MYO5A: variants seen among roughly 807,000 people sequenced by gnomAD.
MYO5A encodes unconventional myosin-Va.
In MYO5A, 98 loss-of-function variants were observed where a neutral mutation model predicts 249.7. That is an observed-to-expected ratio of 0.39 (90% CI 0.33 to 0.46). MYO5A has a LOEUF of 0.46. MYO5A is among the 20% of genes least tolerant of loss of function. The probability of loss-of-function intolerance (pLI) is 0.98; values close to 1 mark genes in which losing one functional copy is unlikely to be tolerated. For missense variants in MYO5A, 1,696 were observed against 2,308.8 expected (o/e 0.73, Z 5.44); for synonymous variants, 778 against 810.6 (o/e 0.96, Z 0.68).
intron 4 of MYO5A, among the ~76,000 whole-genome samples, chr15:52,425,365 T>C (rs1207817509): frequency 6.6e-6 from 1 of 152,092 alleles, no homozygotes; most frequent in Non-Finnish European, 1.5e-5. Flanking sequence ...TGTTTGTTTG[T>C]TTGTTTGTTT....
intron 21 of MYO5A, among the ~76,000 whole-genome samples, chr15:52,371,921 T>TAAC (rs1400287662): frequency 7.0e-6 from 1 of 141,974 alleles, no homozygotes; most frequent in Admixed American, 7.2e-5. Context: ...ATAATAATAA[T>TAAC]AACTTCCTGC....
chr15:52,376,359 T>G lies in MYO5A; in HGVS notation c.2408A>C (p.Tyr803Ser). 6.2e-7 allele frequency: 1 copy of G among 1,614,020 alleles called. No individual in the cohort carries two copies. The highest frequency in any genetic ancestry group is 8.5e-7 in the Non-Finnish European group (1 of 1,179,968). Residue 803 changes from tyrosine to serine, a missense_variant, in exon 19 of 42, where the codon TAC becomes TCC. Coordinates refer to ENST00000399233, the MANE Select transcript of MYO5A (RefSeq NM_001382347.1). ...CCAGGAGACCTACCATCGGGCCTGGTAGCCCCGCACGTATCTCTGCATGGT... is the reference window on the plus strand; with the variant it reads ...CCAGGAGACCTACCATCGGGCCTGGGAGCCCCGCACGTATCTCTGCATGGT... ...AITMQRYVRG[Y>S]QARCYAKFLR...
At chr15:52,424,945 T>C (rs1192233893) in intron 4 of MYO5A, among the ~76,000 whole-genome samples, 2 of 152,188 alleles carry the variant, frequency 1.3e-5, no homozygotes, top group Non-Finnish European at 2.9e-5. Flanking sequence ...CCCTATCATA[T>C]AATACTAATG....
chr15:52,479,933 G>A (rs572852413), intron 1 of MYO5A, among the ~76,000 whole-genome samples: 2 of 150,534 alleles, frequency 1.3e-5, no homozygotes, highest in East Asian at 2.0e-4. Context: ...CCACCAGTTT[G>A]TGTGTGTATT....
At chr15:52,450,359 T>A (rs894557059) in intron 1 of MYO5A, among the ~76,000 whole-genome samples, 1 of 151,554 alleles carries the variant, frequency 6.6e-6, no homozygotes, top group Non-Finnish European at 1.5e-5. Flanking sequence ...TTAATAATAT[T>A]CTTTAAAAAA....
intron 15 of MYO5A, 57 bp from the exon 16 acceptor site, chr15:52,383,245 G>C (rs1596381416): frequency 7.3e-7 from 1 of 1,376,032 alleles, no homozygotes; most frequent in East Asian, 2.3e-5. Context: ...CAAAGGTGAG[G>C]TAAAACAATG....
chr15:52,526,093 G>A (rs1016584981), intron 1 of MYO5A, among the ~76,000 whole-genome samples: 7 of 152,136 alleles, frequency 4.6e-5, no homozygotes, highest in African/African-American at 1.7e-4. Flanking sequence ...TATTAATTAG[G>A]CATAAGTATA....
intron 1 of MYO5A, among the ~76,000 whole-genome samples, chr15:52,497,979 A>T (rs893278394): frequency 6.6e-6 from 1 of 152,104 alleles, no homozygotes; most frequent in African/African-American, 2.4e-5. Context: ...TACATCCTTA[A>T]ATCATATATT....
Position 52,478,788 on chromosome 15 carries a change from T to C in MYO5A, c.28-45503A>G, listed in dbSNP as rs937827035. The stretch of plus-strand genomic sequence containing the variant: ...AAACTGTTCACACGGGGATGGTTAG[T>C]GTCACACATTTTAAGGGAATACTCA... On this transcript the variant is annotated intron_variant, in intron 1 of 41. Coordinates refer to ENST00000399233, the MANE Select transcript of MYO5A (RefSeq NM_001382347.1). 1.8e-4 allele frequency among the ~76,000 whole-genome samples: 28 copies of C among 152,168 alleles called. 1 individual carries two copies. The highest frequency in any genetic ancestry group is 5.9e-5 in the Non-Finnish European group (4 of 68,038).
chr15:52,416,470 G>A (rs1376364664), intron 4 of MYO5A, among the ~76,000 whole-genome samples, 169 bp from the exon 5 acceptor site: 1 of 151,600 alleles, frequency 6.6e-6, no homozygotes, highest in East Asian at 1.9e-4. Context: ...CTGGCCACCA[G>A]AAATGTTGCA....
At chr15:52,315,732 A>G (rs1397423292) in intron 40 of MYO5A, among the ~76,000 whole-genome samples, 1 of 150,168 alleles carries the variant, frequency 6.7e-6, no homozygotes, top group African/African-American at 2.5e-5. Flanking sequence ...GCTCACTGCA[A>G]CCTCCGTCTC....
intron 4 of MYO5A, among the ~76,000 whole-genome samples, chr15:52,425,533 C>T (rs1032055380): frequency 6.6e-6 from 1 of 151,988 alleles, no homozygotes; most frequent in Admixed American, 6.6e-5. Context: ...CTAATTTTTG[C>T]ATTTTTAGTA....
chr15:52,494,658 A>G (rs1403100198), intron 1 of MYO5A, among the ~76,000 whole-genome samples: 1 of 151,968 alleles, frequency 6.6e-6, no homozygotes, highest in Admixed American at 6.6e-5. Context: ...ACGTCCGGAT[A>G]ATTTTTGTAT....
At chr15:52,460,677 G>A (rs959366542) in intron 1 of MYO5A, among the ~76,000 whole-genome samples, 22 of 152,030 alleles carry the variant, frequency 1.4e-4, no homozygotes, top group African/African-American at 5.1e-4. Context: ...GGGCGAGGGC[G>A]AGGCTCCAGA....
At chr15:52,472,763 G>A (rs2076503518) in intron 1 of MYO5A, among the ~76,000 whole-genome samples, 1 of 152,152 alleles carries the variant, frequency 6.6e-6, no homozygotes, top group Admixed American at 6.5e-5. Flanking sequence ...TGGTATACAT[G>A]TGCCACATTT....
chr15:52,486,374 G>A (rs1206869766), intron 1 of MYO5A, among the ~76,000 whole-genome samples: 1 of 152,226 alleles, frequency 6.6e-6, no homozygotes, highest in African/African-American at 2.4e-5. Flanking sequence ...GACATGTCTA[G>A]TTAAGTGGTG....
intron 19 of MYO5A, among the ~76,000 whole-genome samples, 186 bp from the exon 20 acceptor site, chr15:52,375,646 CA>C (rs1394531575): frequency 9.9e-5 from 15 of 152,262 alleles, no homozygotes; most frequent in Admixed American, 2.6e-4. Context: ...TATAGTTTCC[CA>C]AAGTATTTTT....
intron 9 of MYO5A, among the ~76,000 whole-genome samples, chr15:52,404,701 C>T (rs942034684): frequency 6.6e-6 from 1 of 152,028 alleles, no homozygotes; most frequent in Non-Finnish European, 1.5e-5. Flanking sequence ...TAAGAGCTGG[C>T]TAGGGAAGAA....
intron 1 of MYO5A, among the ~76,000 whole-genome samples, chr15:52,507,150 C>T (rs140577493): frequency 3.3e-5 from 5 of 152,240 alleles, no homozygotes; most frequent in Non-Finnish European, 7.4e-5. Context: ...TATTTGTCTT[C>T]GAACCTCTAT....
Sources: allele counts gnomAD v4.1 joint callset (sites outside exome capture counted in the v4.1 genomes callset), GRCh38; gene constraint gnomAD v4.1.1; transcripts MANE v1.5; gene names NCBI Gene and HGNC (gene_info 2026-07-23, HGNC 2026-07-21).